Variants in PAK5 observed in about 807,000 individuals in gnomAD.
PAK5 encodes the protein serine/threonine-protein kinase PAK 5.
In PAK5, 16 loss-of-function variants were observed where a neutral mutation model predicts 65.9. The observed-to-expected ratio is 0.24, with a 90% CI of 0.16 to 0.37. The LOEUF (loss-of-function observed/expected upper bound fraction) is 0.37, where lower values mean the gene tolerates loss of function less well. Ranked by LOEUF, PAK5 falls within the 10% of genes least tolerant of loss-of-function variation. The pLI is 1.00. For missense variants in PAK5, 785 were observed against 903.9 expected (o/e 0.87, Z 1.69); for synonymous variants, 371 against 354.9 (o/e 1.05, Z -0.51).
intron 3 of PAK5, among the ~76,000 whole-genome samples, chr20:9,590,458 C>G (rs1568984506): frequency 6.6e-6 from 1 of 151,978 alleles, no homozygotes; most frequent in Non-Finnish European, 1.5e-5. Flanking sequence ...TTGTGCACCA[C>G]AATGGTAGGG....
chr20:9,767,067 G>A lies in PAK5; in HGVS notation c.-161-55632C>T, dbSNP rs866044592. 2.6e-5 allele frequency among the ~76,000 whole-genome samples: 4 copies of A among 152,226 alleles called. No homozygotes were observed. In the South Asian group the frequency reaches 8.3e-4, roughly 32 times the overall value. On this transcript the variant is annotated intron_variant, in intron 1 of 9. Coordinates refer to ENST00000353224, the MANE Select transcript of PAK5 (RefSeq NM_177990.4). ...ACCTGAGGGTATATATTGACAGACT[G>A]CGGGGAGCTGGATTCTTGGCAGCAA...
intron 2 of PAK5, among the ~76,000 whole-genome samples, chr20:9,666,258 T>G (rs548543227): frequency 6.6e-6 from 1 of 152,162 alleles, no homozygotes; most frequent in East Asian, 1.9e-4. Flanking sequence ...AGCCATTTAC[T>G]GTATTGAAAC....
intron 3 of PAK5, among the ~76,000 whole-genome samples, chr20:9,608,660 G>A (rs1204752073): frequency 1.3e-5 from 2 of 152,238 alleles, no homozygotes; most frequent in East Asian, 1.9e-4. Flanking sequence ...AGAGAAAAAT[G>A]TGTGTGCAAT....
chr20:9,674,276 G>A (rs566770632), intron 2 of PAK5, among the ~76,000 whole-genome samples: 2 of 151,406 alleles, frequency 1.3e-5, no homozygotes, highest in South Asian at 2.1e-4. Flanking sequence ...TTTTTCCTGA[G>A]CTAACCAAGA....
intron 6 of PAK5, 46 bp from the exon 7 acceptor site, chr20:9,557,780 T>G (rs1389436667): frequency 6.5e-7 from 1 of 1,542,180 alleles, no homozygotes; most frequent in Non-Finnish European, 8.9e-7. Flanking sequence ...TTTAAGAACA[T>G]CTTTGAAATG....
At position 9,566,082 on chromosome 20, in the gene PAK5, C is replaced by T. The variant is rs2045672408; in HGVS notation, c.1293G>A (p.Gln431=). The part of the protein sequence containing the change: ...DQQPSRVSHE[Q]FRAALQLVVS... ...CCACCAGCTGCAGGGCCGCCCGAAA[C>T]TGTTCATGGGACACCCTGGAGGGCT... Residue 431 remains glutamine (Q), a synonymous_variant, in exon 5 of 10, where the codon CAG becomes CAA. Coordinates refer to ENST00000353224, the MANE Select transcript of PAK5 (RefSeq NM_177990.4). The T allele has an allele frequency of 1.2e-6, 2 of 1,613,830 alleles. No homozygotes were observed. The highest frequency in any genetic ancestry group is 1.1e-5 in the South Asian group (1 of 91,062).
chr20:9,697,142 T>C (rs1364295471), intron 2 of PAK5, among the ~76,000 whole-genome samples: 5 of 152,084 alleles, frequency 3.3e-5, no homozygotes, highest in Non-Finnish European at 7.4e-5. Flanking sequence ...ATCTAAACAT[T>C]CATTTAGAGA....
At chr20:9,581,405 C>T (rs185830639) in intron 3 of PAK5, among the ~76,000 whole-genome samples, 1 of 152,286 alleles carries the variant, frequency 6.6e-6, no homozygotes, top group Non-Finnish European at 1.5e-5. Context: ...TATCACCCAA[C>T]TATTAACATA....
At chr20:9,784,625 C>G (rs1048119868) in intron 1 of PAK5, 1 of 151,430 alleles carries the variant, frequency 6.6e-6, no homozygotes, top group African/African-American at 2.4e-5. Context: ...GTTGGAGAAG[C>G]CAAGTCCTAT....
chr20:9,747,664 T>C (rs1205786070), intron 1 of PAK5, among the ~76,000 whole-genome samples: 1 of 151,890 alleles, frequency 6.6e-6, no homozygotes, highest in Admixed American at 6.6e-5. Context: ...CTCAATAAAT[T>C]AGGTATTGAT....
chr20:9,725,338 CAAG>C (rs1379029378), intron 1 of PAK5, among the ~76,000 whole-genome samples: 1 of 114,970 alleles, frequency 8.7e-6, no homozygotes, highest in East Asian at 2.4e-4. Flanking sequence ...ATTATTAAAA[CAAG>C]AGAGAAATTA....
chr20:9,777,022 T>C (rs2048894266), intron 1 of PAK5, among the ~76,000 whole-genome samples: 2 of 152,196 alleles, frequency 1.3e-5, no homozygotes, highest in Non-Finnish European at 2.9e-5. Context: ...GGAAAGGTAT[T>C]AGTGCAATTT....
intron 1 of PAK5, among the ~76,000 whole-genome samples, chr20:9,737,687 C>A (rs2048404752): frequency 6.6e-6 from 1 of 151,988 alleles, no homozygotes; most frequent in Non-Finnish European, 1.5e-5. Flanking sequence ...TAATGAATAG[C>A]CCTTCATGAA....
chr20:9,719,929 A>G (rs1009415109), intron 1 of PAK5, among the ~76,000 whole-genome samples: 5 of 152,210 alleles, frequency 3.3e-5, no homozygotes, highest in Non-Finnish European at 7.3e-5. Flanking sequence ...TTATATGGAA[A>G]TTAACTTAAA....
At chr20:9,690,750 C>CTTTTTTTTTTTTT (rs112955560) in intron 2 of PAK5, among the ~76,000 whole-genome samples, 11 of 103,968 alleles carry the variant, frequency 1.1e-4, no homozygotes, top group Admixed American at 2.1e-4. Flanking sequence ...TTCTTTCTTT[C>CTTTTTTTTTTTTT]TTTTTTTTTT....
intron 1 of PAK5, among the ~76,000 whole-genome samples, chr20:9,732,968 T>TC (rs2048349744): frequency 1.3e-5 from 2 of 152,180 alleles, no homozygotes; most frequent in African/African-American, 4.8e-5. Context: ...CTCTTACCAA[T>TC]ACTGTTGGAA....
chr20:9,613,204 C>T (rs564845112), intron 3 of PAK5, among the ~76,000 whole-genome samples: 245 of 152,334 alleles, frequency 1.6e-3, no homozygotes, highest in African/African-American at 5.7e-3. Flanking sequence ...GCCATGCCAT[C>T]CTAACAATAA....
intron 2 of PAK5, among the ~76,000 whole-genome samples, chr20:9,673,179 TATAAC>T (rs151279714): frequency 0.059 from 9,054 of 152,232 alleles, 258 homozygotes; most frequent in South Asian, 0.084. Context: ...GCCTTCCTGT[TATAAC>T]AGATGGAAGA....
chr20:9,769,774 G>C (rs1458934488), intron 1 of PAK5, among the ~76,000 whole-genome samples: 1 of 152,190 alleles, frequency 6.6e-6, no homozygotes, highest in Non-Finnish European at 1.5e-5. Flanking sequence ...ATATTTGGCT[G>C]CTTTTCCTCT....
Sources: allele counts gnomAD v4.1 joint callset (sites outside exome capture counted in the v4.1 genomes callset), GRCh38; gene constraint gnomAD v4.1.1; transcripts MANE v1.5; gene names NCBI Gene and HGNC (gene_info 2026-07-23, HGNC 2026-07-21).